The following NEGR1 variants were observed in gnomAD, a reference collection of about 807,000 sequenced individuals.
NEGR1 encodes the protein neuronal growth regulator 1.
In NEGR1, 10 loss-of-function variants were observed where a neutral mutation model predicts 40.9. The ratio of observed to expected loss-of-function variants is 0.24; its 90% confidence interval spans 0.15 to 0.42. NEGR1 has a LOEUF of 0.42. Ranked by LOEUF, NEGR1 falls within the 10% of genes least tolerant of loss-of-function variation. The pLI is 1.00. For synonymous variants in NEGR1, 185 were observed against 166.8 expected (o/e 1.11, Z -0.84); for missense variants, 352 against 438.9 (o/e 0.80, Z 1.77).
chr1:72,168,203 G>C (rs1218908333), intron 1 of NEGR1, among the ~76,000 whole-genome samples: 2 of 151,770 alleles, frequency 1.3e-5, no homozygotes, highest in African/African-American at 4.8e-5. Context: ...TAGTGAGATG[G>C]GGTTTCTCCA....
intron 6 of NEGR1, among the ~76,000 whole-genome samples, chr1:71,508,537 A>T (rs2101412161): frequency 6.6e-6 from 1 of 152,284 alleles, no homozygotes; most frequent in Non-Finnish European, 1.5e-5. Context: ...AATTAATGTA[A>T]CCAAATGGTA....
chr1:71,647,019 G>C (rs530260127), intron 4 of NEGR1, among the ~76,000 whole-genome samples: 1 of 151,968 alleles, frequency 6.6e-6, no homozygotes, highest in Admixed American at 6.6e-5. Context: ...TTTAGAAGTT[G>C]TTGACTCGAG....
intron 1 of NEGR1, among the ~76,000 whole-genome samples, chr1:72,251,701 A>G (rs1421148279): frequency 6.6e-6 from 1 of 152,138 alleles, no homozygotes; most frequent in Non-Finnish European, 1.5e-5. Flanking sequence ...ATACATAATC[A>G]TTGTTTTTTT....
At chr1:71,447,330 A>T (rs559057552) in intron 6 of NEGR1, among the ~76,000 whole-genome samples, 23 of 152,212 alleles carry the variant, frequency 1.5e-4, no homozygotes, top group Non-Finnish European at 2.6e-4. Flanking sequence ...CCACCCAAAG[A>T]GGTCAAAGAA....
intron 6 of NEGR1, among the ~76,000 whole-genome samples, chr1:71,449,057 G>C (rs139588364): frequency 6.6e-6 from 1 of 152,118 alleles, no homozygotes; most frequent in African/African-American, 2.4e-5. Flanking sequence ...ACTTTGAGGC[G>C]TGATGACATA....
chr1:71,927,202 T>A (rs1645782559), intron 2 of NEGR1, among the ~76,000 whole-genome samples: 1 of 152,144 alleles, frequency 6.6e-6, no homozygotes, highest in Non-Finnish European at 1.5e-5. Flanking sequence ...ACCATAGCAA[T>A]TCTAGCCAGA....
At chr1:72,003,028 G>T (rs939848926) in intron 1 of NEGR1, among the ~76,000 whole-genome samples, 6 of 152,298 alleles carry the variant, frequency 3.9e-5, no homozygotes, top group African/African-American at 1.4e-4. Context: ...GAGATATTCA[G>T]ATGGGCACTT....
chr1:71,419,628 C>T (rs377716101), intron 6 of NEGR1, among the ~76,000 whole-genome samples: 1 of 152,198 alleles, frequency 6.6e-6, no homozygotes, highest in South Asian at 2.1e-4. Flanking sequence ...TTCTGCTATA[C>T]CAGCAGCACT....
Position 71,612,865 on chromosome 1 carries a change from C to T in NEGR1, c.668-1719G>A, listed in dbSNP as rs148061438. ...TAAATAGCAAGATTGGTGTGGCCGACACAAAGAGAAAGAAGGAGAGTAGGA... is the reference window on the plus strand; with the variant it reads ...TAAATAGCAAGATTGGTGTGGCCGATACAAAGAGAAAGAAGGAGAGTAGGA... On this transcript the variant is annotated intron_variant, in intron 4 of 6. Coordinates refer to ENST00000357731, the MANE Select transcript of NEGR1 (RefSeq NM_173808.3). Among the ~76,000 whole-genome samples, 869 of 152,136 alleles carry T rather than the reference C, an allele frequency of 5.7e-3. 5 individuals are homozygous for T. The highest frequency in any genetic ancestry group is 0.014 in the Middle Eastern group (4 of 292).
intron 2 of NEGR1, among the ~76,000 whole-genome samples, chr1:71,895,963 T>C (rs1461726819): frequency 2.6e-5 from 4 of 152,042 alleles, no homozygotes; most frequent in Non-Finnish European, 4.4e-5. Flanking sequence ...CTTATTATTA[T>C]AGCTATCTTA....
Position 71,833,804 on chromosome 1 carries a change from C to G in NEGR1, c.410-57507G>C, listed in dbSNP as rs529556343. ...AATTATTTTGACATTATTTTCAGAA[C>G]TTTATGTTCATTTCCCTTTAGAACC... On this transcript the variant is annotated intron_variant, in intron 2 of 6. Transcript: ENST00000357731. Among the ~76,000 whole-genome samples, 15 of 152,184 alleles carry G rather than the reference C, an allele frequency of 9.9e-5. No individual in the cohort carries two copies. In the East Asian group the frequency reaches 2.3e-3, roughly 24 times the overall value.
intron 3 of NEGR1, among the ~76,000 whole-genome samples, chr1:71,706,723 T>C (rs2101638287): frequency 6.6e-6 from 1 of 151,870 alleles, no homozygotes; most frequent in East Asian, 2.0e-4. Context: ...AGCTTCCAGA[T>C]GACATTTCTA....
In NEGR1 at chr1:72,195,336, C is replaced by G. The variant is rs552691736; in HGVS notation, c.176+86983G>C. Reference sequence around the variant, plus strand: ...CATTCTTAATGGGCCGTACATAGTTCAAATTAATTGTTTTCCTATAAAGTG... The same window carrying G: ...CATTCTTAATGGGCCGTACATAGTTGAAATTAATTGTTTTCCTATAAAGTG... On this transcript the variant is annotated intron_variant, in intron 1 of 6. Transcript: ENST00000357731. 8.6e-5 allele frequency among the ~76,000 whole-genome samples: 13 copies of G among 152,042 alleles called. No homozygotes were observed. The East Asian group carries it at 2.5e-3, about 30-fold the overall frequency.
chr1:72,085,535 T>C (rs1648185718), intron 1 of NEGR1, among the ~76,000 whole-genome samples: 1 of 152,232 alleles, frequency 6.6e-6, no homozygotes, highest in African/African-American at 2.4e-5. Context: ...GTTCTTTTAA[T>C]CAGTTCTCTG....
intron 3 of NEGR1, among the ~76,000 whole-genome samples, chr1:71,705,575 C>A (rs2101636761): frequency 6.6e-6 from 1 of 152,138 alleles, no homozygotes; most frequent in Middle Eastern, 3.4e-3. Flanking sequence ...ACGGGCCAGG[C>A]CTGGCGTGGT....
chr1:71,632,354 T>C (rs543129788), intron 4 of NEGR1, among the ~76,000 whole-genome samples: 3 of 151,428 alleles, frequency 2.0e-5, no homozygotes, highest in Admixed American at 2.0e-4. Flanking sequence ...CAACTTTGGA[T>C]ATCATAATCT....
At chr1:71,899,244 G>A (rs934999020) in intron 2 of NEGR1, among the ~76,000 whole-genome samples, 14 of 151,716 alleles carry the variant, frequency 9.2e-5, no homozygotes, top group Non-Finnish European at 1.0e-4. Context: ...AATCCAGAAC[G>A]CAGATCTTAG....
intron 3 of NEGR1, among the ~76,000 whole-genome samples, chr1:71,744,284 C>CATATATATATATATATATATATATAT (rs147978120): frequency 6.1e-4 from 83 of 137,120 alleles, no homozygotes; most frequent in African/African-American, 2.2e-3. Flanking sequence ...TGACAAATAA[C>CATATATATATATATATATATATATAT]ATATATATAT....
intron 1 of NEGR1, among the ~76,000 whole-genome samples, chr1:72,012,991 T>C (rs1339248056): frequency 1.3e-5 from 2 of 151,456 alleles, no homozygotes; most frequent in African/African-American, 4.8e-5. Context: ...TAATAGGAGA[T>C]ATGGCATATA....
Sources: allele counts gnomAD v4.1 joint callset (sites outside exome capture counted in the v4.1 genomes callset), GRCh38; gene constraint gnomAD v4.1.1; transcripts MANE v1.5; gene names NCBI Gene and HGNC (gene_info 2026-07-23, HGNC 2026-07-21).